The following RBM28 variants were observed in gnomAD, a reference collection of about 807,000 sequenced individuals.
RBM28 encodes RNA binding motif protein 28.
RBM28 carries 78 observed loss-of-function variants against 98.3 expected under a neutral mutation model. The observed-to-expected ratio is 0.79, with a 90% CI of 0.66 to 0.96. The LOEUF (loss-of-function observed/expected upper bound fraction) is 0.96. Among genes scored for constraint, RBM28 ranks in the 40% least tolerant of loss-of-function variants. RBM28 has a pLI of 0.00. For synonymous variants in RBM28, 306 were observed against 330.9 expected (o/e 0.92, Z 0.82); for missense variants, 838 against 913.0 (o/e 0.92, Z 1.06).
chr7:128,336,736 T>C (rs1300967308), intron 6 of RBM28, among the ~76,000 whole-genome samples: 1 of 152,216 alleles, frequency 6.6e-6, no homozygotes, highest in Non-Finnish European at 1.5e-5. Context: ...ACAATAGTCT[T>C]ACTCTGATAA....
intron 14 of RBM28, among the ~76,000 whole-genome samples, chr7:128,320,416 AAAAG>A (rs565987813): frequency 6.7e-6 from 1 of 148,204 alleles, no homozygotes; most frequent in Non-Finnish European, 1.5e-5. Flanking sequence ...TAAAAAAAAA[AAAAG>A]AAAGGAAGAA....
intron 1 of RBM28, among the ~76,000 whole-genome samples, chr7:128,342,817 T>C (rs1268089328): frequency 2.0e-5 from 3 of 152,192 alleles, no homozygotes; most frequent in African/African-American, 4.8e-5. Flanking sequence ...TCTGTTTCAG[T>C]ACCTTTGAGC....
intron 10 of RBM28, 126 bp downstream of exon 10, chr7:128,330,693 C>A: frequency 1.3e-6 from 1 of 774,018 alleles, no homozygotes; most frequent in Admixed American, 1.9e-5. Context: ...TTTATAGAAC[C>A]CAGAAACCTG....
Position 128,337,325 on chromosome 7 carries a change from G to C in RBM28, c.542-123C>G, listed in dbSNP as rs1584662340. The stretch of plus-strand genomic sequence containing the variant: ...GAGACAAAGAAACTGCCAATTCAGG[G>C]AATGCTGGTCTTAAAATAAAGCTCC... On this transcript the variant is annotated intron_variant, in intron 5 of 18. Transcript: ENST00000223073. The C allele has an allele frequency of 5.4e-6, 5 of 920,244 alleles. No individual in the cohort carries two copies. In the Admixed American group the frequency reaches 9.8e-5, roughly 18 times the overall value. 57.0% of individuals were successfully genotyped at this position (920,244 alleles called of 1,614,324 possible). A position where few individuals can be genotyped will look rare whatever the true frequency, so the allele number is the denominator to read the frequency against.
chr7:128,298,159 G>C lies in RBM28; in HGVS notation c.*12638C>G, dbSNP rs190546377. ...AAAAAAAAAAGACAATACGCGCACA[G>C]TTGAACATAGACCCTTATCAGTAGT... On this transcript the variant is annotated 3_prime_UTR_variant, in exon 19 of 19. Transcript: ENST00000223073. 1.3e-5 allele frequency: 2 copies of C among 152,090 alleles called. No homozygotes were observed. Among genetic ancestry groups the C allele is most frequent in the Non-Finnish European group, 2.9e-5 (2 of 68,018 alleles). 9.4% of individuals were successfully genotyped at this position (152,090 alleles called of 1,614,324 possible). A position where few individuals can be genotyped will look rare whatever the true frequency, so the allele number is the denominator to read the frequency against.
rs1795733547 is a variant in RBM28, at chr7:128,298,222, T to G, written c.*12575A>C. On this transcript the variant is annotated 3_prime_UTR_variant, in exon 19 of 19. Coordinates refer to ENST00000223073, the MANE Select transcript of RBM28 (RefSeq NM_018077.3). ...TTTGTCTTGTTTCCTCAGAAGCATGTGATCTTTGTTCTGCTTTTGCCCTTT... is the reference window on the plus strand; with the variant it reads ...TTTGTCTTGTTTCCTCAGAAGCATGGGATCTTTGTTCTGCTTTTGCCCTTT... 6.6e-6 allele frequency: 1 copy of G among 152,240 alleles called. No homozygotes were observed. The highest frequency in any genetic ancestry group is 2.4e-5 in the African/African-American group (1 of 41,456). The allele number at this position is 152,240 out of a possible 1,614,324, so 9.4% of individuals were successfully genotyped here.
chr7:128,326,075 C>A (rs1398150403), intron 10 of RBM28, among the ~76,000 whole-genome samples, 184 bp from the exon 11 acceptor site: 3 of 152,100 alleles, frequency 2.0e-5, no homozygotes, highest in East Asian at 3.9e-4. Context: ...GAGGCCGATG[C>A]GGGCAGATCA....
At chr7:128,339,828 T>A (rs201239703) in intron 1 of RBM28, 37 bp from the exon 2 acceptor site, 384 of 1,599,260 alleles carry the variant, frequency 2.4e-4, no homozygotes, top group Non-Finnish European at 3.1e-4. Flanking sequence ...GGAGGGGCAG[T>A]GTGAAAAGGA....
rs923714914 is a variant in RBM28, at chr7:128,308,360, T to C, written c.*2437A>G. The C allele has an allele frequency of 1.3e-5, 2 of 152,200 alleles. No individual in the cohort carries two copies. The highest frequency in any genetic ancestry group is 4.8e-5 in the African/African-American group (2 of 41,454). 9.4% of individuals were successfully genotyped at this position (152,200 alleles called of 1,614,324 possible). A position where few individuals can be genotyped will look rare whatever the true frequency, so the allele number is the denominator to read the frequency against. ...ATATATTTTTGAATGTTAAAGATAT[T>C]CGTGTACTAGGGAAAAAAGAGTGGT... On this transcript the variant is annotated 3_prime_UTR_variant, in exon 19 of 19. Transcript: ENST00000223073.
chr7:128,319,955 C>T (rs967233172), intron 14 of RBM28, among the ~76,000 whole-genome samples: 1 of 152,100 alleles, frequency 6.6e-6, no homozygotes, highest in Non-Finnish European at 1.5e-5. Context: ...AGGTGGCTCA[C>T]GCCTGTAATC....
At position 128,310,561 on chromosome 7, in the gene RBM28, A is replaced by T. The variant is rs146592573; in HGVS notation, c.*236T>A. 2.3e-4 allele frequency: 132 copies of T among 569,490 alleles called. No individual in the cohort carries two copies. The highest frequency in any genetic ancestry group is 2.2e-3 in the African/African-American group (120 of 53,554). 35.3% of individuals were successfully genotyped at this position (569,490 alleles called of 1,614,324 possible). On this transcript the variant is annotated 3_prime_UTR_variant, in exon 19 of 19. Coordinates refer to ENST00000223073, the MANE Select transcript of RBM28 (RefSeq NM_018077.3). Reference sequence around the variant, plus strand: ...GACACAACTTCATACAATAATCTGGATAATATGCAAGAAGCATCATGTTGA... The same window carrying T: ...GACACAACTTCATACAATAATCTGGTTAATATGCAAGAAGCATCATGTTGA...
Position 128,335,942 on chromosome 7 carries a change from A to G in RBM28, c.714T>C (p.Asp238=), listed in dbSNP as rs1052930034. The change falls in exon 7 of 19, where the codon GAT becomes GAC. Residue 238 remains aspartate, a synonymous_variant. Transcript: ENST00000223073. Reference sequence around the variant, plus strand: ...AAACCCCATCTTCTTCATCATCATCATCGTCATCATCATCGTTTTCTTCCT... The same window carrying G: ...AAACCCCATCTTCTTCATCATCATCGTCGTCATCATCATCGTTTTCTTCCT... ...MEEEENDDDD[D]DDDEEDGVFD... is the part of the protein sequence containing the mutation. 3 of 1,603,776 alleles carry G rather than the reference A, an allele frequency of 1.9e-6. No homozygotes were observed. The highest frequency in any genetic ancestry group is 2.2e-5 in the East Asian group (1 of 44,808).
intron 12 of RBM28, 52 bp from the exon 13 acceptor site, chr7:128,323,643 G>A (rs746538166): frequency 6.3e-7 from 1 of 1,588,326 alleles, no homozygotes; most frequent in Non-Finnish European, 8.6e-7. Context: ...TTTTCACTGA[G>A]CAACAAGAGG....
At position 128,324,599 on chromosome 7, in the gene RBM28, C is replaced by T. The variant is rs1301778055; in HGVS notation, c.1299G>A (p.Lys433=). ...AAKLQTTKVK[K]PTGTRNLYLA... ...GATAGAGATTCCGGGTGCCAGTCGG[C>T]TTCTTCACCTTCGTCGTCTGAAGCT... Residue 433 remains lysine, a synonymous_variant, in exon 12 of 19, where the codon AAG becomes AAA. Coordinates refer to ENST00000223073, the MANE Select transcript of RBM28 (RefSeq NM_018077.3). 1 of 1,614,214 alleles carries T rather than the reference C, an allele frequency of 6.2e-7. No homozygotes were observed. The highest frequency in any genetic ancestry group is 1.3e-5 in the African/African-American group (1 of 75,052).
chr7:128,318,474 C>CAA (rs35005841), intron 14 of RBM28, among the ~76,000 whole-genome samples: 11 of 109,932 alleles, frequency 1.0e-4, no homozygotes, highest in African/African-American at 2.2e-4. Context: ...GACCCTGTCT[C>CAA]AAAAAAAAAA....
At chr7:128,337,985 C>T (rs910084741) in intron 5 of RBM28, among the ~76,000 whole-genome samples, 1 of 152,168 alleles carries the variant, frequency 6.6e-6, no homozygotes, top group African/African-American at 2.4e-5. Flanking sequence ...CAACCTGCAT[C>T]TATCAGCAAT....
chr7:128,340,285 A>G (rs999453523), intron 1 of RBM28, among the ~76,000 whole-genome samples: 4 of 152,212 alleles, frequency 2.6e-5, no homozygotes, highest in Non-Finnish European at 5.9e-5. Flanking sequence ...GTCTTCAGGA[A>G]TGGATTAATC....
chr7:128,339,874 A>G, intron 1 of RBM28, 83 bp from the exon 2 acceptor site: 1 of 1,465,622 alleles, frequency 6.8e-7, no homozygotes, highest in South Asian at 1.2e-5. Flanking sequence ...AAATGAGTAA[A>G]TCCTCAAAGC....
In RBM28 at chr7:128,307,067, T is replaced by A. The variant is rs1795881295; in HGVS notation, c.*3730A>T. ...AGAAACCTCATCCTGGCCCTTAAAG[T>A]GCCAATTAAGGCTGAGTTGAAAAGG... is the stretch of plus-strand genomic sequence containing the variant. On this transcript the variant is annotated 3_prime_UTR_variant, in exon 19 of 19. Coordinates refer to ENST00000223073, the MANE Select transcript of RBM28 (RefSeq NM_018077.3). 1 of 152,268 alleles carries A rather than the reference T, an allele frequency of 6.6e-6. No homozygotes were observed. The highest frequency in any genetic ancestry group is 2.1e-4 in the South Asian group (1 of 4,836). The allele number at this position is 152,268 out of a possible 1,614,324, so 9.4% of individuals were successfully genotyped here.
Sources: allele counts gnomAD v4.1 joint callset (sites outside exome capture counted in the v4.1 genomes callset), GRCh38; gene constraint gnomAD v4.1.1; transcripts MANE v1.5; gene names NCBI Gene and HGNC (gene_info 2026-07-23, HGNC 2026-07-21).